CASK: variants seen among roughly 807,000 people sequenced by gnomAD.
CASK encodes the protein peripheral plasma membrane protein CASK.
A neutral mutation model predicts 82.9 loss-of-function variants in CASK; 4 were observed. The ratio of observed to expected loss-of-function variants is 0.05; its 90% CI spans 0.02 to 0.11. The LOEUF (loss-of-function observed/expected upper bound fraction) is 0.11. CASK is among the 10% of genes least tolerant of loss of function. CASK has a pLI of 1.00. For synonymous variants in CASK, 259 were observed against 253.5 expected, an observed-to-expected ratio of 1.02 and a Z score of -0.20; for missense variants, 358 against 720.9, an observed-to-expected ratio of 0.50 and a Z score of 5.76.
At position 41,887,828 on chromosome X, in the gene CASK, C is replaced by T. The variant is rs775528929; in HGVS notation, c.60-34601G>A. The stretch of plus-strand genomic sequence containing the variant: ...CCTCAGCTAATTCTAGGTGAAGAAA[C>T]GTGACTCTTAAAAAAAAAAATCCAT... On this transcript the variant is annotated intron_variant, in intron 1 of 26. Coordinates refer to ENST00000378163, the MANE Select transcript of CASK (RefSeq NM_001367721.1). Among the ~76,000 whole-genome samples, 7 of 109,727 alleles carry T rather than the reference C, an allele frequency of 6.4e-5. No individual in the cohort carries two copies. The East Asian group carries it at 1.7e-3, about 27-fold the overall frequency.
chrX:41,730,813 C>T (rs2068382253), intron 5 of CASK, among the ~76,000 whole-genome samples: 1 of 111,527 alleles, frequency 9.0e-6, no homozygotes, highest in African/African-American at 3.3e-5. Context: ...AGTGATTCTC[C>T]TACCTCAGCC....
intron 18 of CASK, among the ~76,000 whole-genome samples, chrX:41,557,854 C>T (rs1457922278): frequency 1.8e-5 from 2 of 111,559 alleles, no homozygotes; most frequent in Non-Finnish European, 3.8e-5. Context: ...TCAACTTTAA[C>T]GATAAGAACA....
At chrX:41,787,083 C>A in intron 3 of CASK, 95 bp downstream of exon 3, 1 of 583,790 alleles carries the variant, frequency 1.7e-6, no homozygotes, top group South Asian at 2.3e-5. Flanking sequence ...GATAAGTTCA[C>A]AACTACTGCT....
chrX:41,534,966 A>G lies in CASK; in HGVS notation c.2163T>C (p.Asp721=). The G allele has an allele frequency of 8.6e-7, 1 of 1,166,097 alleles. No homozygotes were observed. ...KYLAKHNAVF[D]QLDLVTYEEV... ...CTTCATATGTGACAAGATCTAATTGATCAAACACTAAAACGCAAAGATTTA... is the reference window on the plus strand; with the variant it reads ...CTTCATATGTGACAAGATCTAATTGGTCAAACACTAAAACGCAAAGATTTA... Residue 721 remains aspartate (D), a synonymous_variant, in exon 23 of 27, where the codon GAT becomes GAC. Coordinates refer to ENST00000378163, the MANE Select transcript of CASK (RefSeq NM_001367721.1).
intron 15 of CASK, among the ~76,000 whole-genome samples, chrX:41,577,043 T>C (rs1368999072): frequency 8.9e-6 from 1 of 112,488 alleles, no homozygotes; most frequent in Non-Finnish European, 1.9e-5. Context: ...TTTGTTTTTC[T>C]ATATCCTAAT....
chrX:41,915,081 C>G (rs945710409), intron 1 of CASK, among the ~76,000 whole-genome samples: 1 of 111,653 alleles, frequency 9.0e-6, no homozygotes, highest in Admixed American at 9.5e-5. Flanking sequence ...TTTTAAACTT[C>G]TGTGCAGCCC....
At chrX:41,664,839 A>G (rs979362862) in intron 7 of CASK, among the ~76,000 whole-genome samples, 5 of 112,954 alleles carry the variant, frequency 4.4e-5, no homozygotes, top group African/African-American at 1.6e-4. Flanking sequence ...TCTATATTGT[A>G]TCATGAAATG....
chrX:41,549,376 C>T (rs1388067592), intron 21 of CASK, among the ~76,000 whole-genome samples: 1 of 111,805 alleles, frequency 8.9e-6, no homozygotes, highest in East Asian at 2.8e-4. Flanking sequence ...TACACACTGC[C>T]CAGTGGGCCT....
chrX:41,719,830 T>C (rs1056190742), intron 5 of CASK, among the ~76,000 whole-genome samples: 1 of 112,593 alleles, frequency 8.9e-6, no homozygotes, highest in Admixed American at 9.4e-5. Flanking sequence ...AGTAAAAACC[T>C]GCAAATAAGG....
chrX:41,729,749 CAAAAAAAAAAAAAAAA>C (rs1162361118), intron 5 of CASK: 1 of 14,112 alleles, frequency 7.1e-5, no homozygotes, highest in Non-Finnish European at 1.2e-4. Context: ...GACTCTGTCT[CAAAAAAAAAAAAAAAA>C]AAAAAAAAAA....
intron 2 of CASK, among the ~76,000 whole-genome samples, chrX:41,797,460 C>T (rs2069884337): frequency 9.0e-6 from 1 of 111,089 alleles, no homozygotes; most frequent in African/African-American, 3.3e-5. Flanking sequence ...TTGGCATTTA[C>T]CAAATCATTC....
Position 41,907,813 on chromosome X carries a change from G to A in CASK, c.59+15117C>T, listed in dbSNP as rs140033137. Among the ~76,000 whole-genome samples the A allele has an allele frequency of 9.5e-3, 1,055 of 110,989 alleles. 15 individuals are homozygous for A. The highest frequency in any genetic ancestry group is 0.032 in the African/African-American group (987 of 30,507). On this transcript the variant is annotated intron_variant, in intron 1 of 26. Coordinates refer to ENST00000378163, the MANE Select transcript of CASK (RefSeq NM_001367721.1). ...TGTGGAAGACAATTTTTCCATGGACGATGGGGACCGGGGTGGGGGTAGGGG... is the reference window on the plus strand; with the variant it reads ...TGTGGAAGACAATTTTTCCATGGACAATGGGGACCGGGGTGGGGGTAGGGG...
intron 5 of CASK, chrX:41,728,800 C>G (rs2068314579): frequency 8.1e-6 from 1 of 123,187 alleles, no homozygotes; most frequent in African/African-American, 3.2e-5. Flanking sequence ...TATCCTCATT[C>G]ACATCTTACC....
At chrX:41,669,946 C>T (rs1462521588) in intron 6 of CASK, among the ~76,000 whole-genome samples, 1 of 111,861 alleles carries the variant, frequency 8.9e-6, no homozygotes, top group Admixed American at 9.5e-5. Flanking sequence ...TAGTTGTCTA[C>T]AAACAGATGA....
chrX:41,770,314 ATCCATCCATCCATCCAT>A (rs1414427750), intron 3 of CASK, among the ~76,000 whole-genome samples: 7 of 77,053 alleles, frequency 9.1e-5, no homozygotes, highest in Non-Finnish European at 1.8e-4. Flanking sequence ...CTACCTACCT[ATCCATCCATCCATCCAT>A]CCATCCATCC....
intron 21 of CASK, among the ~76,000 whole-genome samples, chrX:41,547,225 C>T (rs1322538734): frequency 4.5e-5 from 5 of 112,294 alleles, no homozygotes; most frequent in Non-Finnish European, 7.5e-5. Context: ...TGAGCCACTG[C>T]GCCTGGCTTT....
intron 16 of CASK, among the ~76,000 whole-genome samples, chrX:41,567,696 C>A (rs1351110372): frequency 4.5e-5 from 5 of 111,721 alleles, no homozygotes; most frequent in Non-Finnish European, 7.5e-5. Flanking sequence ...CCTCAAGGAT[C>A]TAGAACTAGA....
intron 25 of CASK, among the ~76,000 whole-genome samples, chrX:41,525,988 T>C (rs2064706849): frequency 8.9e-6 from 1 of 112,315 alleles, no homozygotes; most frequent in Admixed American, 9.5e-5. Flanking sequence ...TCTTTAAGCT[T>C]GCATATGTTA....
At chrX:41,764,096 G>A (rs1177681537) in intron 3 of CASK, among the ~76,000 whole-genome samples, 1 of 112,039 alleles carries the variant, frequency 8.9e-6, no homozygotes, top group African/African-American at 3.2e-5. Context: ...CCGAATGGGA[G>A]CTGTGCAGAG....
Sources: allele counts gnomAD v4.1 joint callset (sites outside exome capture counted in the v4.1 genomes callset), GRCh38; gene constraint gnomAD v4.1.1; transcripts MANE v1.5; gene names NCBI Gene and HGNC (gene_info 2026-07-23, HGNC 2026-07-21).